Variants in CWC22 observed in about 807,000 individuals in gnomAD.
CWC22 encodes the protein CWC22 spliceosome associated protein, also known as pre-mRNA-splicing factor CWC22 homolog.
Under a neutral mutation model 117.2 loss-of-function variants are expected in CWC22, and 53 were observed. The ratio of observed to expected loss-of-function variants is 0.45; its 90% CI spans 0.36 to 0.57. The LOEUF is 0.57. CWC22 is among the 20% of genes least tolerant of loss of function. The pLI is 0.00. For missense variants in CWC22, 980 were observed against 1,068.8 expected (o/e 0.92, Z 1.16); for synonymous variants, 360 against 355.6 (o/e 1.01, Z -0.14).
intron 11 of CWC22, among the ~76,000 whole-genome samples, chr2:179,967,945 C>T (rs72960664): frequency 0.09 from 13,686 of 152,096 alleles, 715 homozygotes; most frequent in Non-Finnish European, 0.12. Context: ...ACAATATCTG[C>T]GATGATGAAA....
intron 1 of CWC22, among the ~76,000 whole-genome samples, chr2:180,000,941 T>G (rs1044668536): frequency 9.9e-5 from 15 of 152,174 alleles, no homozygotes; most frequent in Non-Finnish European, 1.8e-4. Flanking sequence ...AGCTAGTCTA[T>G]TTTAGGCTGT....
intron 1 of CWC22, among the ~76,000 whole-genome samples, chr2:179,997,821 A>G (rs1450824269): frequency 1.3e-5 from 2 of 152,214 alleles, no homozygotes; most frequent in Non-Finnish European, 2.9e-5. Context: ...TAGGTATAAG[A>G]AACAAATCTA....
At chr2:179,986,475 A>T (rs72960701) in intron 4 of CWC22, among the ~76,000 whole-genome samples, 13,352 of 152,084 alleles carry the variant, frequency 0.088, 700 homozygotes, top group Non-Finnish European at 0.12. Flanking sequence ...ACTTCTCTAG[A>T]CCTCAGTTTC....
chr2:179,995,721 T>A (rs1687681168), intron 1 of CWC22, among the ~76,000 whole-genome samples: 1 of 151,904 alleles, frequency 6.6e-6, no homozygotes, highest in South Asian at 2.1e-4. Context: ...GCAGGCTGAG[T>A]CTAGAGGAGA....
intron 1 of CWC22, among the ~76,000 whole-genome samples, chr2:179,996,863 A>G (rs1687716500): frequency 8.3e-6 from 1 of 119,996 alleles, no homozygotes. Flanking sequence ...ATTCCAGCAA[A>G]AACAATCTTT....
At chr2:180,001,505 T>C (rs1341254799) in intron 1 of CWC22, among the ~76,000 whole-genome samples, 2 of 152,074 alleles carry the variant, frequency 1.3e-5, no homozygotes, top group Non-Finnish European at 2.9e-5. Context: ...ATTTTGTGTA[T>C]TTTTAGTAGA....
chr2:179,981,348 A>G (rs551748907), intron 5 of CWC22, among the ~76,000 whole-genome samples: 11 of 152,300 alleles, frequency 7.2e-5, no homozygotes, highest in African/African-American at 2.6e-4. Context: ...GCTTTTACAG[A>G]AAAAGTTTGC....
chr2:179,973,613 T>G, intron 7 of CWC22, 21 bp downstream of exon 7: 1 of 1,481,848 alleles, frequency 6.7e-7, no homozygotes, highest in South Asian at 1.3e-5. Context: ...ATCATTCTAC[T>G]TACAAGCCAT....
At chr2:179,964,254 A>G (rs1368338152) in intron 13 of CWC22, among the ~76,000 whole-genome samples, 2 of 152,226 alleles carry the variant, frequency 1.3e-5, no homozygotes, top group Non-Finnish European at 1.5e-5. Context: ...TGTAAAACAG[A>G]ATTATTTTCA....
At chr2:179,972,366 T>C (rs1380467186) in intron 8 of CWC22, among the ~76,000 whole-genome samples, 2 of 152,106 alleles carry the variant, frequency 1.3e-5, no homozygotes, top group African/African-American at 4.8e-5. Context: ...CATCAAATAA[T>C]GAATATAAAA....
intron 1 of CWC22, among the ~76,000 whole-genome samples, chr2:180,001,357 T>G (rs922176463): frequency 6.6e-6 from 1 of 151,616 alleles, no homozygotes; most frequent in Non-Finnish European, 1.5e-5. Flanking sequence ...AGACAGAGTC[T>G]GACTGTCACC....
At chr2:179,952,672 G>C in intron 16 of CWC22, 74 bp from the exon 17 acceptor site, 4 of 780,200 alleles carry the variant, frequency 5.1e-6, no homozygotes, top group Non-Finnish European at 7.2e-6. Context: ...AATATTTGTA[G>C]GTTTAAGTGT....
chr2:180,003,038 C>T (rs1476033956), intron 1 of CWC22, among the ~76,000 whole-genome samples: 1 of 148,264 alleles, frequency 6.7e-6, no homozygotes, highest in Non-Finnish European at 1.5e-5. Context: ...TAGATTTCTG[C>T]TGATTACTCC....
At chr2:179,987,646 G>C (rs1306705300) in intron 3 of CWC22, among the ~76,000 whole-genome samples, 1 of 152,200 alleles carries the variant, frequency 6.6e-6, no homozygotes, top group East Asian at 1.9e-4. Context: ...TGTGGAGTAA[G>C]GAAGCCTAGA....
chr2:179,979,109 T>G (rs1687222737), intron 5 of CWC22, among the ~76,000 whole-genome samples: 1 of 152,170 alleles, frequency 6.6e-6, no homozygotes, highest in Admixed American at 6.5e-5. Context: ...GTCTTAACCT[T>G]TTTTCTTCCA....
intron 13 of CWC22, among the ~76,000 whole-genome samples, chr2:179,962,461 A>G (rs996201442): frequency 3.9e-5 from 6 of 152,126 alleles, no homozygotes; most frequent in Non-Finnish European, 8.8e-5. Context: ...GAATCTGCCT[A>G]TTTTTACAGT....
At chr2:179,969,407 T>C (rs769723450) in intron 11 of CWC22, among the ~76,000 whole-genome samples, 5 of 152,216 alleles carry the variant, frequency 3.3e-5, no homozygotes, top group Non-Finnish European at 7.3e-5. Flanking sequence ...TTTAGGATAA[T>C]GCAGAGGAAT....
intron 15 of CWC22, 70 bp downstream of exon 15, chr2:179,954,887 A>G (rs1686544601): frequency 2.1e-6 from 2 of 937,176 alleles, no homozygotes; most frequent in Non-Finnish European, 3.4e-6. Context: ...ATGAGACCAG[A>G]CCATAAAGCA....
At chr2:179,945,777 A>G in intron 19 of CWC22, 62 bp from the exon 20 acceptor site, 1 of 1,050,578 alleles carries the variant, frequency 9.5e-7, no homozygotes, top group Non-Finnish European at 1.4e-6. Flanking sequence ...TAATTATAAC[A>G]ATCACATTTA....
Sources: gnomAD v4.1 joint callset for allele counts (sites outside exome capture counted in the v4.1 genomes callset) on GRCh38, gnomAD v4.1.1 for gene constraint, MANE v1.5 for transcripts, NCBI Gene and HGNC (gene_info 2026-07-23, HGNC 2026-07-21) for gene names.